KMT2C: variants seen among roughly 807,000 people sequenced by gnomAD.
KMT2C encodes the protein histone-lysine N-methyltransferase 2C.
Under a neutral mutation model 507.9 loss-of-function variants are expected in KMT2C, and 88 were observed. The observed-to-expected ratio is 0.17, with a 90% CI of 0.15 to 0.21. The LOEUF (loss-of-function observed/expected upper bound fraction) is 0.21, where lower values mean the gene tolerates loss of function less well. KMT2C is among the 10% of genes least tolerant of loss of function. KMT2C has a pLI of 1.00. For synonymous variants in KMT2C, 2,049 were observed against 2,080.8 expected (o/e 0.98, Z 0.42); for missense variants, 4,954 against 5,957.8 (o/e 0.83, Z 5.55).
At chr7:152,267,472 T>C (rs2095876634) in intron 7 of KMT2C, among the ~76,000 whole-genome samples, 1 of 152,232 alleles carries the variant, frequency 6.6e-6, no homozygotes, top group Non-Finnish European at 1.5e-5. Flanking sequence ...CCAATTCTTA[T>C]GTATTAAACT....
chr7:152,318,800 T>C (rs765520679), intron 3 of KMT2C, among the ~76,000 whole-genome samples: 8 of 152,138 alleles, frequency 5.3e-5, no homozygotes, highest in African/African-American at 1.4e-4. Flanking sequence ...ATGAAAGTTA[T>C]GTCAAAAAGA....
chr7:152,357,153 G>A (rs1005278039), intron 2 of KMT2C, among the ~76,000 whole-genome samples: 1 of 150,582 alleles, frequency 6.6e-6, no homozygotes, highest in Non-Finnish European at 1.5e-5. Flanking sequence ...CATGAGCCCG[G>A]CGGGTGGAGG....
intron 31 of KMT2C, among the ~76,000 whole-genome samples, chr7:152,192,656 T>C (rs2093837112): frequency 6.6e-6 from 1 of 152,070 alleles, no homozygotes; most frequent in Admixed American, 6.6e-5. Flanking sequence ...TCAAGGTAAA[T>C]TTATGTTTAG....
At chr7:152,157,886 C>A in intron 44 of KMT2C, 1 of 1,339,568 alleles carries the variant, frequency 7.5e-7, no homozygotes. Flanking sequence ...GCAAAGTTCA[C>A]TCCAATGATT....
intron 14 of KMT2C, among the ~76,000 whole-genome samples, chr7:152,243,670 C>T (rs200729616): frequency 4.6e-5 from 7 of 151,878 alleles, no homozygotes; most frequent in East Asian, 1.9e-4. Flanking sequence ...CCGTAGTCCC[C>T]GCTACTCAGG....
At chr7:152,204,261 G>T (rs558239058) in intron 25 of KMT2C, among the ~76,000 whole-genome samples, 7 of 152,246 alleles carry the variant, frequency 4.6e-5, no homozygotes, top group African/African-American at 1.4e-4. Context: ...CGGCACCACA[G>T]CACTCCAGCC....
intron 6 of KMT2C, among the ~76,000 whole-genome samples, chr7:152,278,580 G>C (rs372447011): frequency 6.6e-6 from 1 of 151,494 alleles, no homozygotes; most frequent in Non-Finnish European, 1.5e-5. Context: ...TTTCTTTACA[G>C]CAACACAGGA....
chr7:152,165,766 G>A (rs1448088319), intron 42 of KMT2C, among the ~76,000 whole-genome samples: 1 of 152,040 alleles, frequency 6.6e-6, no homozygotes, highest in East Asian at 1.9e-4. Flanking sequence ...TCAGCTCACT[G>A]CAGCCTCCAC....
intron 6 of KMT2C, among the ~76,000 whole-genome samples, chr7:152,278,133 G>C (rs1157675698): frequency 6.6e-6 from 1 of 152,140 alleles, no homozygotes; most frequent in African/African-American, 2.4e-5. Flanking sequence ...GCTTGGTGCT[G>C]TCCTTGCGAT....
At chr7:152,192,042 A>AG (rs1345447456) in intron 31 of KMT2C, among the ~76,000 whole-genome samples, 1 of 151,982 alleles carries the variant, frequency 6.6e-6, no homozygotes, top group Non-Finnish European at 1.5e-5. Context: ...CAAAAGAAAA[A>AG]AAAAAAAAGA....
At chr7:152,217,791 A>C (rs1027052689) in intron 23 of KMT2C, among the ~76,000 whole-genome samples, 2 of 152,232 alleles carry the variant, frequency 1.3e-5, no homozygotes, top group African/African-American at 2.4e-5. Flanking sequence ...AAAACCTTCC[A>C]AGGTCTTTTG....
chr7:152,397,568 T>C (rs1166991774), intron 1 of KMT2C, among the ~76,000 whole-genome samples: 2 of 152,108 alleles, frequency 1.3e-5, no homozygotes, highest in Non-Finnish European at 2.9e-5. Flanking sequence ...CAATCGTTTA[T>C]TTTGGGAGAT....
At chr7:152,205,293 A>G (rs2129137414) in intron 24 of KMT2C, 68 bp from the exon 25 acceptor site, 2 of 1,307,378 alleles carry the variant, frequency 1.5e-6, no homozygotes, top group East Asian at 2.4e-5. Flanking sequence ...TACACAGGAT[A>G]AAACTGCTTT....
chr7:152,333,930 A>T (rs2096907874), intron 2 of KMT2C, among the ~76,000 whole-genome samples: 1 of 152,214 alleles, frequency 6.6e-6, no homozygotes, highest in Non-Finnish European at 1.5e-5. Context: ...TCCCGAGACA[A>T]AATTGATAAA....
At chr7:152,264,711 A>C (rs920803092) in intron 8 of KMT2C, among the ~76,000 whole-genome samples, 2 of 152,016 alleles carry the variant, frequency 1.3e-5, no homozygotes. Context: ...TAAATTGTTA[A>C]TATCGCTTAT....
At chr7:152,420,707 C>T (rs191355588) in intron 1 of KMT2C, among the ~76,000 whole-genome samples, 339 of 151,868 alleles carry the variant, frequency 2.2e-3, no homozygotes, top group African/African-American at 7.1e-3. Context: ...CGGTGGTGCA[C>T]GCCTGTAGTC....
chr7:152,259,290 T>C (rs2095715120), intron 9 of KMT2C, among the ~76,000 whole-genome samples: 1 of 152,084 alleles, frequency 6.6e-6, no homozygotes, highest in African/African-American at 2.4e-5. Context: ...GATGTAAGTT[T>C]AGGAAGTTGA....
At chr7:152,167,439 C>T (rs1362519273) in intron 41 of KMT2C, 61 bp from the exon 42 acceptor site, 3 of 1,138,788 alleles carry the variant, frequency 2.6e-6, no homozygotes, top group Admixed American at 2.0e-5. Flanking sequence ...TTATAAGTTA[C>T]ACAAATCTAT....
intron 33 of KMT2C, among the ~76,000 whole-genome samples, chr7:152,186,534 C>T (rs2093632852): frequency 6.6e-6 from 1 of 152,148 alleles, no homozygotes; most frequent in Admixed American, 6.5e-5. Flanking sequence ...CATGAAGACG[C>T]CAATCCAAAA....
Sources: allele counts gnomAD v4.1 joint callset (sites outside exome capture counted in the v4.1 genomes callset), GRCh38; gene constraint gnomAD v4.1.1; transcripts MANE v1.5; gene names NCBI Gene and HGNC (gene_info 2026-07-23, HGNC 2026-07-21).